Variants in SNTB1 observed in about 807,000 individuals in gnomAD.
The protein encoded by SNTB1 is syntrophin beta 1.
Under a neutral mutation model 48.9 loss-of-function variants are expected in SNTB1, and 36 were observed. The ratio of observed to expected loss-of-function variants is 0.74; its 90% CI spans 0.56 to 0.97. SNTB1 has a LOEUF of 0.97. SNTB1 is among the 50% of genes least tolerant of loss of function. The probability of loss-of-function intolerance (pLI) is 0.00; values close to 1 mark genes in which losing one functional copy is unlikely to be tolerated. For synonymous variants in SNTB1, 299 were observed against 294.6 expected, an observed-to-expected ratio of 1.01 and a Z score of -0.15; for missense variants, 786 against 703.4, an observed-to-expected ratio of 1.12 and a Z score of -1.33.
intron 3 of SNTB1, among the ~76,000 whole-genome samples, chr8:120,607,790 T>C (rs934781325): frequency 3.3e-5 from 5 of 152,196 alleles, no homozygotes; most frequent in Admixed American, 1.3e-4. Context: ...TCAGCATGAC[T>C]TGTGAATAGC....
intron 3 of SNTB1, among the ~76,000 whole-genome samples, chr8:120,589,539 AAAC>A (rs1816204709): frequency 6.6e-6 from 1 of 152,206 alleles, no homozygotes; most frequent in African/African-American, 2.4e-5. Flanking sequence ...TGAGTTGCTT[AAAC>A]AACAACATTA....
At chr8:120,720,254 G>A (rs1440039908) in intron 1 of SNTB1, among the ~76,000 whole-genome samples, 1 of 152,214 alleles carries the variant, frequency 6.6e-6, no homozygotes, top group Non-Finnish European at 1.5e-5. Flanking sequence ...TCTCCCTCCA[G>A]CTCCCTCCTT....
intron 4 of SNTB1, among the ~76,000 whole-genome samples, chr8:120,567,477 G>A (rs1286793641): frequency 2.7e-5 from 4 of 148,440 alleles, no homozygotes; most frequent in East Asian, 2.0e-4. Context: ...CTGGAGTACA[G>A]TGGTGCCATC....
chr8:120,743,423 T>C (rs867770122), intron 1 of SNTB1, among the ~76,000 whole-genome samples: 5 of 152,188 alleles, frequency 3.3e-5, no homozygotes, highest in Non-Finnish European at 5.9e-5. Context: ...GCATTACTCA[T>C]GTTAACTGAT....
chr8:120,631,462 C>T lies in SNTB1; in HGVS notation c.996+982G>A, dbSNP rs189483710. ...ATGGTGGAAAACCTGAGTATTATTT[C>T]GGGTGCCATTTGACTGGGCCTTCTC... On this transcript the variant is annotated intron_variant, in intron 3 of 6. Transcript: ENST00000517992. 2.0e-3 allele frequency among the ~76,000 whole-genome samples: 302 copies of T among 152,280 alleles called. 1 individual carries two copies. Among genetic ancestry groups the T allele is most frequent in the African/African-American group, 7.0e-3 (291 of 41,560 alleles).
chr8:120,594,205 A>G (rs1328873942), intron 3 of SNTB1, among the ~76,000 whole-genome samples: 2 of 151,932 alleles, frequency 1.3e-5, no homozygotes, highest in African/African-American at 4.8e-5. Flanking sequence ...CTGGCACTAC[A>G]GGGGCATCCC....
At chr8:120,565,810 G>A (rs978431399) in intron 4 of SNTB1, among the ~76,000 whole-genome samples, 2 of 152,170 alleles carry the variant, frequency 1.3e-5, no homozygotes, top group African/African-American at 4.8e-5. Flanking sequence ...CAAAATTCAT[G>A]TTGAAACTGA....
chr8:120,618,399 A>G (rs965037378), intron 3 of SNTB1, among the ~76,000 whole-genome samples: 3 of 152,148 alleles, frequency 2.0e-5, no homozygotes, highest in African/African-American at 7.2e-5. Context: ...ACATATCACA[A>G]TCTGAATTGT....
chr8:120,559,757 T>C (rs1815621474), intron 4 of SNTB1, among the ~76,000 whole-genome samples: 1 of 152,214 alleles, frequency 6.6e-6, no homozygotes, highest in Non-Finnish European at 1.5e-5. Context: ...AAATGTTCCA[T>C]ACAAAAGCAT....
At chr8:120,672,351 G>T (rs1322852635) in intron 2 of SNTB1, among the ~76,000 whole-genome samples, 1 of 152,194 alleles carries the variant, frequency 6.6e-6, no homozygotes, top group African/African-American at 2.4e-5. Flanking sequence ...AGAGCAACAT[G>T]TAAGTTACTT....
Position 120,538,689 on chromosome 8 carries a change from C to T in SNTB1, c.*188G>A, listed in dbSNP as rs139768024. 1,477 of 669,256 alleles carry T rather than the reference C, an allele frequency of 2.2e-3. 19 individuals are homozygous for T. Among genetic ancestry groups the T allele is most frequent in the South Asian group, 8.2e-3 (548 of 66,588 alleles). 41.5% of individuals were successfully genotyped at this position (669,256 alleles called of 1,614,324 possible). A position where few individuals can be genotyped will look rare whatever the true frequency, so the allele number is the denominator to read the frequency against. The stretch of plus-strand genomic sequence containing the variant: ...ACTCTGATATTTCTCATGGTACTTT[C>T]GCAGGGTATCCCTTGTAGTTGCTGA... On this transcript the variant is annotated 3_prime_UTR_variant, in exon 7 of 7. Coordinates refer to ENST00000517992, the MANE Select transcript of SNTB1 (RefSeq NM_021021.4).
At chr8:120,719,232 T>G (rs190893227) in intron 1 of SNTB1, among the ~76,000 whole-genome samples, 189 of 152,240 alleles carry the variant, frequency 1.2e-3, no homozygotes, top group African/African-American at 4.3e-3. Context: ...CACCATCTAA[T>G]CAGCTGCCAG....
chr8:120,743,414 C>A (rs1459270200), intron 1 of SNTB1, among the ~76,000 whole-genome samples: 3 of 152,276 alleles, frequency 2.0e-5, no homozygotes, highest in Admixed American at 2.0e-4. Flanking sequence ...ATCTGGCCAG[C>A]ATTACTCATG....
At chr8:120,791,387 G>A (rs1327814098) in intron 1 of SNTB1, among the ~76,000 whole-genome samples, 1 of 151,964 alleles carries the variant, frequency 6.6e-6, no homozygotes, top group Non-Finnish European at 1.5e-5. Context: ...CATCAGCCTA[G>A]GCAAAGAATT....
rs758556214 is a variant in SNTB1 at position 120,811,809 on chromosome 8, G to C, written c.35C>G (p.Pro12Arg). ...CGCCCGGCCGCCTCCCGCGCCAGCCGGCCCAGCCGCCGCCGCCGCCGCCGC... is the reference window on the plus strand; with the variant it reads ...CGCCCGGCCGCCTCCCGCGCCAGCCCGCCCAGCCGCCGCCGCCGCCGCCGC... ...AVAAAAAAAG[P>R]AGAGGGRAQR... is the part of the protein sequence containing the mutation. Residue 12 changes from proline (P) to arginine (R), a missense_variant, in exon 1 of 7, where the codon CCG becomes CGG. Transcript: ENST00000517992. The C allele has an allele frequency of 1.5e-6, 2 of 1,371,732 alleles. No individual in the cohort carries two copies. The highest frequency in any genetic ancestry group is 9.4e-7 in the Non-Finnish European group (1 of 1,066,244). 85.0% of individuals were successfully genotyped at this position (1,371,732 alleles called of 1,614,324 possible).
intron 1 of SNTB1, among the ~76,000 whole-genome samples, chr8:120,782,397 G>A (rs1819843841): frequency 6.6e-6 from 1 of 151,002 alleles, no homozygotes; most frequent in South Asian, 2.1e-4. Context: ...AACATTTAGA[G>A]TTTCTTTTTT....
chr8:120,548,863 T>G lies in SNTB1; in HGVS notation c.1232A>C (p.His411Pro), dbSNP rs776156441. Residue 411 changes from histidine (H) to proline (P), a missense_variant, in exon 5 of 7, where the codon CAT (histidine) becomes CCT (proline). Physicochemically the swap from His to Pro is moderately conservative, Grantham distance 77 (BLOSUM62 -2). Coordinates refer to ENST00000517992, the MANE Select transcript of SNTB1 (RefSeq NM_021021.4). ...CCTGCTGGTCTCTGCTCTGAAGAGA[T>G]GTGTTTCAATCCCTTGCCTGGTACC... ...RTGTRQGIET[H>P]LFRAETSRDL... The G allele has an allele frequency of 3.1e-6, 5 of 1,613,938 alleles. No homozygotes were observed. Among genetic ancestry groups the G allele is most frequent in the Non-Finnish European group, 4.2e-6 (5 of 1,179,868 alleles).
intron 1 of SNTB1, among the ~76,000 whole-genome samples, chr8:120,772,553 A>C (rs1819656366): frequency 6.6e-6 from 1 of 152,142 alleles, no homozygotes; most frequent in Non-Finnish European, 1.5e-5. Flanking sequence ...AGCCAGGGGC[A>C]CACTTTTAAA....
intron 3 of SNTB1, among the ~76,000 whole-genome samples, chr8:120,598,198 G>A (rs6469937): frequency 0.48 from 72,856 of 151,880 alleles, 19,933 homozygotes; most frequent in Non-Finnish European, 0.64. Context: ...CCCTCAATCT[G>A]GCCTTATGTC....
Sources: gnomAD v4.1 joint callset for allele counts (sites outside exome capture counted in the v4.1 genomes callset) on GRCh38, gnomAD v4.1.1 for gene constraint, MANE v1.5 for transcripts, NCBI Gene and HGNC (gene_info 2026-07-23, HGNC 2026-07-21) for gene names.